Variants in TMEM108 observed in about 807,000 individuals in gnomAD.
TMEM108 encodes the protein cancer/testis antigen 124.
In TMEM108, 12 loss-of-function variants were observed where a neutral mutation model predicts 35.1. The observed-to-expected ratio is 0.34, with a 90% CI of 0.22 to 0.55. The LOEUF is 0.55. Among genes scored for constraint, TMEM108 ranks in the 20% least tolerant of loss-of-function variants. TMEM108 has a pLI of 0.89. For missense variants in TMEM108, 680 were observed against 753.3 expected (o/e 0.90, Z 1.14); for synonymous variants, 287 against 308.6 (o/e 0.93, Z 0.73).
At chr3:133,203,304 C>A (rs939277415) in intron 2 of TMEM108, among the ~76,000 whole-genome samples, 1 of 152,138 alleles carries the variant, frequency 6.6e-6, no homozygotes, top group African/African-American at 2.4e-5. Flanking sequence ...TGCCTGACTG[C>A]CCTGGCCAGA....
At chr3:133,336,994 A>G (rs1196657601) in intron 3 of TMEM108, among the ~76,000 whole-genome samples, 1 of 151,958 alleles carries the variant, frequency 6.6e-6, no homozygotes, top group Non-Finnish European at 1.5e-5. Flanking sequence ...AGTGAGAAGG[A>G]CTGTGTCTCA....
intron 2 of TMEM108, among the ~76,000 whole-genome samples, chr3:133,195,094 T>G (rs1231560025): frequency 3.3e-5 from 5 of 152,206 alleles, no homozygotes; most frequent in Non-Finnish European, 4.4e-5. Context: ...TTGAACTTGT[T>G]AATCCTGTTT....
intron 2 of TMEM108, among the ~76,000 whole-genome samples, chr3:133,169,715 G>T (rs925114682): frequency 6.6e-6 from 1 of 152,128 alleles, no homozygotes; most frequent in Non-Finnish European, 1.5e-5. Context: ...CCTCCATCTT[G>T]GCTCTAGTTG....
At chr3:133,214,862 A>G (rs991474562) in intron 2 of TMEM108, among the ~76,000 whole-genome samples, 9 of 152,038 alleles carry the variant, frequency 5.9e-5, no homozygotes, top group Admixed American at 3.3e-4. Flanking sequence ...TGAGGGATCT[A>G]GGTTGCATGT....
chr3:133,189,795 A>G (rs879596477), intron 2 of TMEM108, among the ~76,000 whole-genome samples: 3 of 152,232 alleles, frequency 2.0e-5, no homozygotes, highest in African/African-American at 7.2e-5. Context: ...GGCCAAAAGT[A>G]GGGAAGAAAA....
Position 133,379,862 on chromosome 3 carries a change from G to A in TMEM108, c.151G>A (p.Val51Met). 6.2e-7 allele frequency: 1 copy of A among 1,613,876 alleles called. No individual in the cohort carries two copies. Among genetic ancestry groups the A allele is most frequent in the East Asian group, 2.2e-5 (1 of 44,864 alleles). Residue 51 changes from valine (V) to methionine (M), a missense_variant, in exon 4 of 6, where the codon GTG becomes ATG. Coordinates refer to ENST00000321871, the MANE Select transcript of TMEM108 (RefSeq NM_023943.4). ...TTCAGGCACTCCCCCGGGAACCATG[G>A]TGACAGCACCCCACAGCTCTACCAG... Reference protein sequence around the residue: ...LPSGTPPGTMVTAPHSSTRHT... With the variant: ...LPSGTPPGTMMTAPHSSTRHT...
chr3:133,061,540 A>G lies in TMEM108; in HGVS notation c.-47+15520A>G, dbSNP rs1367064289. ...GCATGTCTCATTCTTAAAAGTCACA[A>G]CAATATTTAAAACATGCATTGCCCT... On this transcript the variant is annotated intron_variant, in intron 2 of 5. Transcript: ENST00000321871. Among the ~76,000 whole-genome samples, 3 of 152,196 alleles carry G rather than the reference A, an allele frequency of 2.0e-5. 1 individual carries two copies. The highest frequency in any genetic ancestry group is 4.4e-5 in the Non-Finnish European group (3 of 68,044).
At chr3:133,230,918 CTG>C (rs962281793) in intron 3 of TMEM108, among the ~76,000 whole-genome samples, 2 of 152,222 alleles carry the variant, frequency 1.3e-5, no homozygotes, top group African/African-American at 4.8e-5. Flanking sequence ...CAGAAAACGA[CTG>C]TGTCTTAACA....
At chr3:133,131,890 T>C (rs868266821) in intron 2 of TMEM108, among the ~76,000 whole-genome samples, 1 of 152,116 alleles carries the variant, frequency 6.6e-6, no homozygotes, top group Middle Eastern at 3.4e-3. Flanking sequence ...CAGATATATA[T>C]AGAGAGAGTG....
At chr3:133,362,312 T>C (rs1443957610) in intron 3 of TMEM108, among the ~76,000 whole-genome samples, 1 of 152,192 alleles carries the variant, frequency 6.6e-6, no homozygotes, top group African/African-American at 2.4e-5. Flanking sequence ...AAGGCTTTTG[T>C]AGAAAGATGA....
At chr3:133,052,957 T>G (rs1943424471) in intron 2 of TMEM108, among the ~76,000 whole-genome samples, 2 of 152,210 alleles carry the variant, frequency 1.3e-5, no homozygotes, top group South Asian at 4.1e-4. Context: ...TGTTTGTTTC[T>G]TTTTTGATGG....
intron 3 of TMEM108, among the ~76,000 whole-genome samples, chr3:133,270,809 ACACACACACACT>A (rs1054577320): frequency 1.3e-5 from 2 of 151,272 alleles, no homozygotes; most frequent in Non-Finnish European, 2.9e-5. Context: ...ACACACACAC[ACACACACACACT>A]CACACACTCA....
intron 2 of TMEM108, among the ~76,000 whole-genome samples, chr3:133,225,977 C>A (rs926548028): frequency 1.3e-5 from 2 of 152,192 alleles, no homozygotes; most frequent in African/African-American, 4.8e-5. Flanking sequence ...TGGGTTACAA[C>A]CTCGTTTTAT....
At chr3:133,312,182 A>G (rs562582769) in intron 3 of TMEM108, among the ~76,000 whole-genome samples, 2 of 152,344 alleles carry the variant, frequency 1.3e-5, no homozygotes, top group South Asian at 4.1e-4. Flanking sequence ...TAGGCTACAC[A>G]GGGGTCAGGG....
chr3:133,194,801 T>G (rs559630655), intron 2 of TMEM108, among the ~76,000 whole-genome samples: 30 of 152,180 alleles, frequency 2.0e-4, no homozygotes, highest in African/African-American at 6.7e-4. Flanking sequence ...GTACAGCAAA[T>G]CCCAAAATCA....
intron 2 of TMEM108, among the ~76,000 whole-genome samples, chr3:133,086,746 A>G (rs1374988176): frequency 6.6e-6 from 1 of 152,188 alleles, no homozygotes; most frequent in African/African-American, 2.4e-5. Context: ...GGCTAAATTA[A>G]CATTGGCTCA....
intron 3 of TMEM108, among the ~76,000 whole-genome samples, chr3:133,245,742 A>G (rs1946376953): frequency 6.6e-6 from 1 of 152,250 alleles, no homozygotes; most frequent in Non-Finnish European, 1.5e-5. Context: ...AGACTTCATT[A>G]GAGAGAATGA....
chr3:133,232,085 A>C (rs1559876300), intron 3 of TMEM108, among the ~76,000 whole-genome samples: 1 of 152,088 alleles, frequency 6.6e-6, no homozygotes, highest in Non-Finnish European at 1.5e-5. Context: ...AGATAGGGAG[A>C]GTTCTAGCCC....
intron 2 of TMEM108, among the ~76,000 whole-genome samples, chr3:133,220,281 C>A (rs1307998283): frequency 6.6e-6 from 1 of 150,574 alleles, no homozygotes; most frequent in Non-Finnish European, 1.5e-5. Context: ...TTCATCCAGT[C>A]ATTTTTTTTT....
Sources: allele counts gnomAD v4.1 joint callset (sites outside exome capture counted in the v4.1 genomes callset), GRCh38; gene constraint gnomAD v4.1.1; transcripts MANE v1.5; gene names NCBI Gene and HGNC (gene_info 2026-07-23, HGNC 2026-07-21).